The following AHRR variants were observed in gnomAD, a reference collection of about 807,000 sequenced individuals.
The protein encoded by AHRR is aryl hydrocarbon receptor repressor.
Under a neutral mutation model 44.0 loss-of-function variants are expected in AHRR, and 28 were observed. The observed-to-expected ratio is 0.64, with a 90% CI of 0.47 to 0.87. The LOEUF (loss-of-function observed/expected upper bound fraction) is 0.87, where lower values mean the gene tolerates loss of function less well. Ranked by LOEUF, AHRR falls within the 40% of genes least tolerant of loss-of-function variation. AHRR has a pLI of 0.00. For missense variants in AHRR, 990 were observed against 953.9 expected (o/e 1.04, Z -0.50); for synonymous variants, 434 against 407.0 (o/e 1.07, Z -0.80).
At chr5:324,005 CTCTTTCTT>C (rs1553975166) in intron 1 of AHRR, among the ~76,000 whole-genome samples, 8 of 116,172 alleles carry the variant, frequency 6.9e-5, no homozygotes, top group Admixed American at 5.9e-4. Flanking sequence ...TTCTTTTTTT[CTCTTTCTT>C]TCTTTCTTTC....
rs908775770 is a variant in AHRR, at chr5:405,697, C to T, written c.352-7647C>T. On this transcript the variant is annotated intron_variant, in intron 4 of 10. Transcript: ENST00000684583. The surrounding 1 kb of genome is among the most constrained non-coding windows in gnomAD (Gnocchi z 4.5). ...CCCAGCAGCCTTGTCCCACCGCCTG[C>T]GACCACCAGCTCCTCCGCTCTCTCC... 2.6e-5 allele frequency among the ~76,000 whole-genome samples: 4 copies of T among 152,372 alleles called. No individual in the cohort carries two copies. The highest frequency in any genetic ancestry group is 5.9e-5 in the Non-Finnish European group (4 of 68,030).
chr5:327,799 T>C (rs1244757875), intron 1 of AHRR, among the ~76,000 whole-genome samples: 1 of 152,168 alleles, frequency 6.6e-6, no homozygotes, highest in Non-Finnish European at 1.5e-5. Flanking sequence ...TTATTATTAC[T>C]ATACTTTAAG....
Position 434,399 on chromosome 5 carries a change from G to A in AHRR, c.1659G>A (p.Val553=). The A allele has an allele frequency of 6.2e-7, 1 of 1,613,266 alleles. No homozygotes were observed. Among genetic ancestry groups the A allele is most frequent in the Non-Finnish European group, 8.5e-7 (1 of 1,179,896 alleles). Residue 553 remains valine (V), a synonymous_variant, in exon 11 of 11, where the codon GTG becomes GTA. Coordinates refer to ENST00000684583, the MANE Select transcript of AHRR (RefSeq NM_001377236.1). ...GAADGCVPSQ[V]WLGASDRSHP... ...CAGACGGCTGTGTGCCCAGCCAGGT[G>A]TGGCTGGGGGCCAGTGACAGGAGCC... is the stretch of plus-strand genomic sequence containing the variant.
At chr5:415,671 GC>G (rs1735763300) in intron 5 of AHRR, among the ~76,000 whole-genome samples, 6 of 94,426 alleles carry the variant, frequency 6.4e-5, no homozygotes, top group Non-Finnish European at 1.2e-4. Flanking sequence ...GGCCGAATCT[GC>G]CTGGTCGGGC....
chr5:346,233 C>T (rs16899922), intron 2 of AHRR, among the ~76,000 whole-genome samples: 1,895 of 152,258 alleles, frequency 0.012, 37 homozygotes, highest in African/African-American at 0.044. Context: ...CTAGTTTATT[C>T]GTAAAATGTC....
chr5:429,041 T>C (rs1736597977), intron 8 of AHRR, among the ~76,000 whole-genome samples: 1 of 152,224 alleles, frequency 6.6e-6, no homozygotes, highest in Non-Finnish European at 1.5e-5. Context: ...CGGGTACCAA[T>C]CTGTGGCTGG....
chr5:433,999 A>G lies in AHRR; in HGVS notation c.1259A>G (p.Lys420Arg). 6.3e-7 allele frequency: 1 copy of G among 1,577,262 alleles called. No homozygotes were observed. Among genetic ancestry groups the G allele is most frequent in the Non-Finnish European group, 8.6e-7 (1 of 1,162,864 alleles). Residue 420 changes from lysine to arginine, a missense_variant, in exon 11 of 11, where the codon AAG (lysine) becomes AGG (arginine). Transcript: ENST00000684583. ...DGARPRLQPS[K>R]NDPPSLRPMP... ...GCCAGGCCGAGGCTGCAGCCCAGCA[A>G]GAATGACCCGCCCTCCCTGCGCCCC...
intron 1 of AHRR, among the ~76,000 whole-genome samples, chr5:336,274 G>A (rs994466403): frequency 6.6e-6 from 1 of 152,150 alleles, no homozygotes; most frequent in Non-Finnish European, 1.5e-5. Context: ...CCAGTTCCCA[G>A]CCACTCTTGG....
chr5:373,612 C>T (rs531889719), intron 3 of AHRR, among the ~76,000 whole-genome samples: 20 of 152,254 alleles, frequency 1.3e-4, no homozygotes, highest in Middle Eastern at 3.4e-3. Context: ...GGGTCTCTCT[C>T]CACATCACAG....
chr5:393,914 C>T (rs1379023652), intron 4 of AHRR, among the ~76,000 whole-genome samples: 13 of 152,178 alleles, frequency 8.5e-5, no homozygotes, highest in African/African-American at 4.8e-5. Flanking sequence ...AGGCGTGAGC[C>T]GCTGCGCCCG....
rs773795528 is a variant in AHRR, at chr5:435,318, C to T, written c.*484C>T. On this transcript the variant is annotated 3_prime_UTR_variant, in exon 11 of 11. Coordinates refer to ENST00000684583, the MANE Select transcript of AHRR (RefSeq NM_001377236.1). ...GCCCTCCCAGGCCACCTGCAGCTCC[C>T]AGCCTGTGCTGTGCAGGCAGGGTCA... 38 of 184,190 alleles carry T rather than the reference C, an allele frequency of 2.1e-4. No individual in the cohort carries two copies. Among genetic ancestry groups the T allele is most frequent in the Non-Finnish European group, 4.0e-4 (35 of 86,996 alleles). 11.4% of individuals were successfully genotyped at this position (184,190 alleles called of 1,614,324 possible).
At chr5:365,693 G>T (rs1344857860) in intron 3 of AHRR, among the ~76,000 whole-genome samples, 1 of 151,946 alleles carries the variant, frequency 6.6e-6, no homozygotes, top group Non-Finnish European at 1.5e-5. Flanking sequence ...AAAAGAATAA[G>T]CAGTATTAGG....
At chr5:397,887 CA>C (rs1311392482) in intron 4 of AHRR, among the ~76,000 whole-genome samples, 242 of 107,204 alleles carry the variant, frequency 2.3e-3, no homozygotes, top group Non-Finnish European at 3.6e-3. Context: ...CCTGACCATC[CA>C]CGTAGCTCCT....
rs1579676892 is a variant in AHRR, at chr5:405,251, C to T, written c.352-8093C>T. 1.3e-5 allele frequency among the ~76,000 whole-genome samples: 2 copies of T among 152,208 alleles called. No homozygotes were observed. On this transcript the variant is annotated intron_variant, in intron 4 of 10. Coordinates refer to ENST00000684583, the MANE Select transcript of AHRR (RefSeq NM_001377236.1). The surrounding 1 kb of genome is among the most constrained non-coding windows in gnomAD (Gnocchi z 4.5). ...ACCAACCCTCTTCCTCGGAGCTGCA[C>T]GGGAATGAAAATGTACAAATACCAT...
At chr5:327,034 T>C (rs1371702543) in intron 1 of AHRR, among the ~76,000 whole-genome samples, 2 of 152,112 alleles carry the variant, frequency 1.3e-5, no homozygotes, top group African/African-American at 2.4e-5. Flanking sequence ...ACTCCAGCCA[T>C]GGCAACAGAG....
At chr5:343,628 A>G in intron 1 of AHRR, 1 of 468,166 alleles carries the variant, frequency 2.1e-6, no homozygotes, top group Non-Finnish European at 3.8e-6. Context: ...GCTCCAGAGC[A>G]GGCGGCTTCT....
At chr5:334,622 C>G (rs1404188661) in intron 1 of AHRR, among the ~76,000 whole-genome samples, 1 of 151,898 alleles carries the variant, frequency 6.6e-6, no homozygotes, top group African/African-American at 2.4e-5. Context: ...TATTGATTTT[C>G]AGATTCCTCA....
intron 4 of AHRR, among the ~76,000 whole-genome samples, chr5:389,474 A>C (rs6555226): frequency 6.6e-6 from 1 of 151,930 alleles, no homozygotes; most frequent in African/African-American, 2.4e-5. Context: ...GTAGCCGGAA[A>C]TCCCAATGCG....
chr5:375,194 A>G (rs1384654990), intron 3 of AHRR, among the ~76,000 whole-genome samples: 1 of 152,206 alleles, frequency 6.6e-6, no homozygotes, highest in Non-Finnish European at 1.5e-5. Context: ...CCTGAGTGAG[A>G]CATTATGCTT....
Sources: allele counts gnomAD v4.1 joint callset (sites outside exome capture counted in the v4.1 genomes callset), GRCh38; gene constraint gnomAD v4.1.1; non-coding constraint Gnocchi (gnomAD v3.1); transcripts MANE v1.5; gene names NCBI Gene and HGNC (gene_info 2026-07-23, HGNC 2026-07-21).